Variants in ADGRV1 observed in about 807,000 individuals in gnomAD.
The protein encoded by ADGRV1 is G-protein coupled receptor 98.
In ADGRV1, 359 loss-of-function variants were observed where a neutral mutation model predicts 596.2. The ratio of observed to expected loss-of-function variants is 0.60; its 90% CI spans 0.55 to 0.66. The LOEUF (loss-of-function observed/expected upper bound fraction) is 0.66, where lower values mean the gene tolerates loss of function less well. ADGRV1 is among the 30% of genes least tolerant of loss of function. ADGRV1 has a pLI of 0.00. For missense variants in ADGRV1, 7,274 were observed against 7,575.6 expected (o/e 0.96, Z 1.48); for synonymous variants, 2,681 against 2,679.2 (o/e 1.00, Z -0.02).
At position 90,703,681 on chromosome 5, in the gene ADGRV1, C is replaced by A. The variant is rs371019516; in HGVS notation, c.8172C>A (p.Phe2724Leu). Reference sequence around the variant, plus strand: ...TACTTGCAGGAGAAATTTTACAATTCCATGTGATAAGAACTTTCCCTGGTC... The same window carrying A: ...TACTTGCAGGAGAAATTTTACAATTACATGTGATAAGAACTTTCCCTGGTC... The part of the protein sequence containing the change: ...VIGHEGEILQ[F>L]HVIRTFPGRG... The change falls in exon 35 of 90, where the codon TTC becomes TTA. Residue 2724 changes from phenylalanine (F) to leucine (L), a missense_variant. By Grantham distance (22) the Phe-to-Leu change is conservative. Coordinates refer to ENST00000405460, the MANE Select transcript of ADGRV1 (RefSeq NM_032119.4). 6.3e-7 allele frequency: 1 copy of A among 1,599,650 alleles called. No homozygotes were observed. The highest frequency in any genetic ancestry group is 8.5e-7 in the Non-Finnish European group (1 of 1,170,814).
chr5:90,849,047 T>G (rs1048042411), intron 79 of ADGRV1, among the ~76,000 whole-genome samples: 9 of 152,140 alleles, frequency 5.9e-5, no homozygotes, highest in Admixed American at 5.2e-4. Context: ...TTTTGAAGTG[T>G]TTTTTGAAAA....
At chr5:90,993,411 C>T (rs368204389) in intron 85 of ADGRV1, among the ~76,000 whole-genome samples, 29 of 152,030 alleles carry the variant, frequency 1.9e-4, no homozygotes, top group Non-Finnish European at 4.0e-4. Flanking sequence ...CCCACCTCAG[C>T]CTCCCAAAGT....
chr5:90,643,077 A>T, intron 13 of ADGRV1, 36 bp downstream of exon 13: 3 of 1,511,022 alleles, frequency 2.0e-6, no homozygotes, highest in Non-Finnish European at 1.8e-6. Context: ...GTTTCTCTGT[A>T]AGATTGATAG....
intron 59 of ADGRV1, among the ~76,000 whole-genome samples, chr5:90,773,206 A>T (rs1333499111): frequency 6.6e-6 from 1 of 152,040 alleles, no homozygotes; most frequent in Non-Finnish European, 1.5e-5. Flanking sequence ...TACATAAGAA[A>T]ACATGGGTAA....
At chr5:91,041,106 A>G (rs1426921693) in intron 85 of ADGRV1, among the ~76,000 whole-genome samples, 4 of 152,226 alleles carry the variant, frequency 2.6e-5, no homozygotes, top group Non-Finnish European at 5.9e-5. Context: ...AGAACTAGAA[A>G]TACCGTTTGA....
chr5:90,564,713 G>A (rs1311086), intron 1 of ADGRV1, among the ~76,000 whole-genome samples: 5 of 31,806 alleles, frequency 1.6e-4, no homozygotes, highest in African/African-American at 2.3e-4. Flanking sequence ...TGCAAGCTCC[G>A]CCTCCCGGGT....
intron 85 of ADGRV1, among the ~76,000 whole-genome samples, chr5:91,064,972 T>C (rs1395155687): frequency 1.3e-5 from 2 of 152,206 alleles, no homozygotes; most frequent in South Asian, 2.1e-4. Context: ...AAATTGAGTA[T>C]ACAAGGAAAG....
intron 84 of ADGRV1, among the ~76,000 whole-genome samples, chr5:90,976,322 G>GTGTGTGTATATATATA (rs1420288881): frequency 3.7e-5 from 4 of 108,636 alleles, no homozygotes; most frequent in Non-Finnish European, 5.4e-5. Flanking sequence ...GTGTGTGTGT[G>GTGTGTGTATATATATA]TATATATATA....
chr5:90,808,155 A>C (rs1427996255), intron 73 of ADGRV1, among the ~76,000 whole-genome samples: 1 of 152,014 alleles, frequency 6.6e-6, no homozygotes, highest in Non-Finnish European at 1.5e-5. Flanking sequence ...CTTTGACTTT[A>C]ATTTAATTTT....
intron 77 of ADGRV1, among the ~76,000 whole-genome samples, chr5:90,835,256 G>C (rs1764879254): frequency 6.6e-6 from 1 of 152,200 alleles, no homozygotes; most frequent in Non-Finnish European, 1.5e-5. Flanking sequence ...TGCATTAGGG[G>C]GCATCCCAAG....
intron 23 of ADGRV1, 41 bp downstream of exon 23, chr5:90,674,275 G>A (rs1246027567): frequency 2.0e-6 from 3 of 1,467,826 alleles, no homozygotes; most frequent in Admixed American, 4.7e-5. Flanking sequence ...CTCTTCTCTG[G>A]GTGTACTTAG....
In ADGRV1 at chr5:90,746,828, C is replaced by A. The variant is rs569217361; in HGVS notation, c.10974+1033C>A. ...CCACTCACTCATTCATTCATTAATT[C>A]ATGCAGCAGTTATTTAACAAATGCC... On this transcript the variant is annotated intron_variant, in intron 52 of 89. Transcript: ENST00000405460. Among the ~76,000 whole-genome samples the A allele has an allele frequency of 3.9e-5, 6 of 152,324 alleles. No homozygotes were observed. The East Asian group carries it at 1.2e-3, about 29-fold the overall frequency.
At chr5:90,695,006 A>G (rs1747006571) in intron 33 of ADGRV1, among the ~76,000 whole-genome samples, 1 of 152,168 alleles carries the variant, frequency 6.6e-6, no homozygotes, top group South Asian at 2.1e-4. Context: ...ACTATAAGGC[A>G]AGTTCTAATT....
rs1231021869 is a variant in ADGRV1 at position 91,163,815 on chromosome 5, G to T, written c.18836G>T (p.Gly6279Val). 2.0e-5 allele frequency: 32 copies of T among 1,599,514 alleles called. No individual in the cohort carries two copies. Among genetic ancestry groups the T allele is most frequent in the Non-Finnish European group, 2.6e-5 (31 of 1,170,270 alleles). ...AGLSVSDNES[G>V]QGSQEGGTLT... Reference sequence around the variant, plus strand: ...CTCAGTGTCAGTGATAATGAATCTGGTCAAGGCAGCCAGGAGGGGGGCACC... The same window carrying T: ...CTCAGTGTCAGTGATAATGAATCTGTTCAAGGCAGCCAGGAGGGGGGCACC... Residue 6279 changes from glycine to valine, a missense_variant, in exon 90 of 90, where the codon GGT becomes GTT. Gly to Val is a moderately radical substitution (Grantham distance 109). Coordinates refer to ENST00000405460, the MANE Select transcript of ADGRV1 (RefSeq NM_032119.4).
At chr5:90,726,232 A>G (rs1027830313) in intron 48 of ADGRV1, among the ~76,000 whole-genome samples, 11 of 152,218 alleles carry the variant, frequency 7.2e-5, no homozygotes, top group Admixed American at 2.0e-4. Context: ...CGACAGAGAA[A>G]GTGTCCCTTC....
At chr5:90,960,790 G>A (rs1195890935) in intron 83 of ADGRV1, among the ~76,000 whole-genome samples, 1 of 152,138 alleles carries the variant, frequency 6.6e-6, no homozygotes. Context: ...GAAGAACAAA[G>A]GCAAGAGTCA....
chr5:90,699,284 C>G (rs1747594873), intron 34 of ADGRV1, among the ~76,000 whole-genome samples: 1 of 152,044 alleles, frequency 6.6e-6, no homozygotes, highest in African/African-American at 2.4e-5. Flanking sequence ...TTAAGGCAAA[C>G]AAAACAAAAC....
intron 67 of ADGRV1, among the ~76,000 whole-genome samples, chr5:90,787,101 G>T (rs995636960): frequency 3.3e-5 from 5 of 152,148 alleles, no homozygotes; most frequent in Admixed American, 6.5e-5. Flanking sequence ...GAAAGCAGGT[G>T]GCACATGAGT....
intron 45 of ADGRV1, among the ~76,000 whole-genome samples, chr5:90,721,514 TAAAATAAAATAAAAATAAAAA>T (rs1750948844): frequency 5.8e-5 from 3 of 51,430 alleles, no homozygotes; most frequent in African/African-American, 2.9e-4. Flanking sequence ...AAAAATAAAA[TAAAATAAAATAAAAATAAAAA>T]TAAAATAAAA....
Sources: gnomAD v4.1 joint callset for allele counts (sites outside exome capture counted in the v4.1 genomes callset) on GRCh38, gnomAD v4.1.1 for gene constraint, MANE v1.5 for transcripts, NCBI Gene and HGNC (gene_info 2026-07-23, HGNC 2026-07-21) for gene names.